The following AGL variants were observed in gnomAD, a reference collection of about 807,000 sequenced individuals.
AGL encodes the protein glycogen debranching enzyme.
In AGL, 128 loss-of-function variants were observed where a neutral mutation model predicts 199.3. That is an observed-to-expected ratio of 0.64 (90% CI 0.56 to 0.74). The LOEUF is 0.74. AGL is among the 30% of genes least tolerant of loss of function. The probability of loss-of-function intolerance (pLI) is 0.00; values close to 1 mark genes in which losing one functional copy is unlikely to be tolerated. For missense variants in AGL, 1,809 were observed against 1,820.8 expected (o/e 0.99, Z 0.12); for synonymous variants, 584 against 594.7 (o/e 0.98, Z 0.26).
At chr1:99,895,560 A>G (rs1345004934) in intron 24 of AGL, among the ~76,000 whole-genome samples, 1 of 152,160 alleles carries the variant, frequency 6.6e-6, no homozygotes, top group Non-Finnish European at 1.5e-5. Flanking sequence ...TAATAATTTC[A>G]TGTTTAGGTT....
At chr1:99,856,358 C>CCCTT (rs1649447254) in intron 2 of AGL, among the ~76,000 whole-genome samples, 2 of 77,926 alleles carry the variant, frequency 2.6e-5, no homozygotes, top group African/African-American at 8.1e-5. Flanking sequence ...CTCCCTCCCT[C>CCCTT]CCTCCCTTCC....
At chr1:99,898,479 G>C (rs906659166) in intron 25 of AGL, among the ~76,000 whole-genome samples, 1 of 152,116 alleles carries the variant, frequency 6.6e-6, no homozygotes, top group Non-Finnish European at 1.5e-5. Flanking sequence ...TGCCTACCCC[G>C]ATCTAGAGGT....
At chr1:99,892,320 C>A in intron 23 of AGL, 112 bp from the exon 24 acceptor site, 1 of 959,492 alleles carries the variant, frequency 1.0e-6, no homozygotes, top group Non-Finnish European at 1.6e-6. Context: ...AGTAATATTA[C>A]TATTGTTATA....
At chr1:99,882,270 C>G (rs1299383040) in intron 17 of AGL, among the ~76,000 whole-genome samples, 1 of 151,542 alleles carries the variant, frequency 6.6e-6, no homozygotes, top group East Asian at 1.9e-4. Context: ...TATTTTATTT[C>G]CTAATTTGTG....
At chr1:99,899,210 C>T (rs1653594847) in intron 25 of AGL, among the ~76,000 whole-genome samples, 1 of 152,120 alleles carries the variant, frequency 6.6e-6, no homozygotes, top group African/African-American at 2.4e-5. Context: ...AAAAGATGGG[C>T]ATTAAGCTTA....
chr1:99,864,525 A>G lies in AGL; in HGVS notation c.600A>G (p.Leu200=). The G allele has an allele frequency of 1.2e-6, 2 of 1,613,944 alleles. No individual in the cohort carries two copies. The highest frequency in any genetic ancestry group is 1.7e-6 in the Non-Finnish European group (2 of 1,179,882). ...RKYTWNDVGQ[L]VEKLKKEWNV... is the part of the protein sequence containing the mutation. ...ATACCTGGAATGATGTTGGACAGCT[A>G]GTGGAAAAATTAAAAAAGGAATGGA... Residue 200 remains leucine, a synonymous_variant, in exon 5 of 34, where the codon CTA becomes CTG. Transcript: ENST00000361915.
intron 12 of AGL, 134 bp downstream of exon 12, chr1:99,877,962 T>C: frequency 1.2e-6 from 1 of 832,486 alleles, no homozygotes; most frequent in Non-Finnish European, 2.0e-6. Flanking sequence ...GTAGTATTTA[T>C]CACTATTGCA....
At chr1:99,891,133 A>G in intron 21 of AGL, 87 bp from the exon 22 acceptor site, 2 of 1,548,432 alleles carry the variant, frequency 1.3e-6, no homozygotes, top group Non-Finnish European at 1.8e-6. Context: ...AATCACTAGA[A>G]TAGAGACTAG....
At chr1:99,892,267 A>T (rs925785829) in intron 23 of AGL, among the ~76,000 whole-genome samples, 165 bp from the exon 24 acceptor site, 1 of 152,164 alleles carries the variant, frequency 6.6e-6, no homozygotes, top group African/African-American at 2.4e-5. Flanking sequence ...AATGGGTGAA[A>T]TGAAAGCAGT....
At chr1:99,871,380 T>C (rs1486296042) in intron 7 of AGL, among the ~76,000 whole-genome samples, 1 of 148,718 alleles carries the variant, frequency 6.7e-6, no homozygotes, top group Non-Finnish European at 1.5e-5. Context: ...AGTCTTCTAT[T>C]AAGGACATAA....
intron 25 of AGL, among the ~76,000 whole-genome samples, chr1:99,898,018 G>A (rs1653467820): frequency 6.6e-6 from 1 of 150,932 alleles, no homozygotes; most frequent in Non-Finnish European, 1.5e-5. Context: ...CACCTGTTTT[G>A]TATGGCCTAT....
rs1346970662 is a variant in AGL at position 99,921,968 on chromosome 1, A to G, written c.*317A>G. Reference sequence around the variant, plus strand: ...ATTTGTACAGAAATGAAAATAAAATATGAAAATAATGAAAGAAATGAAAAG... The same window carrying G: ...ATTTGTACAGAAATGAAAATAAAATGTGAAAATAATGAAAGAAATGAAAAG... On this transcript the variant is annotated 3_prime_UTR_variant, in exon 34 of 34. Transcript: ENST00000361915. 9.9e-6 allele frequency: 2 copies of G among 202,490 alleles called. No individual in the cohort carries two copies. The highest frequency in any genetic ancestry group is 2.0e-5 in the Non-Finnish European group (2 of 99,306). 12.5% of individuals were successfully genotyped at this position (202,490 alleles called of 1,614,324 possible). A position where few individuals can be genotyped will look rare whatever the true frequency, so the allele number is the denominator to read the frequency against.
chr1:99,860,298 T>C (rs945160510), intron 2 of AGL, among the ~76,000 whole-genome samples: 3 of 151,684 alleles, frequency 2.0e-5, no homozygotes, highest in African/African-American at 7.2e-5. Flanking sequence ...TAAATATTAG[T>C]TTTTTTCCTC....
intron 20 of AGL, among the ~76,000 whole-genome samples, chr1:99,885,247 CT>C (rs1264515797): frequency 6.6e-6 from 1 of 152,100 alleles, no homozygotes; most frequent in Non-Finnish European, 1.5e-5. Flanking sequence ...CTAGGTTTAA[CT>C]TTAGCTTCAT....
chr1:99,854,489 G>T (rs1649240583), intron 2 of AGL, among the ~76,000 whole-genome samples: 1 of 152,190 alleles, frequency 6.6e-6, no homozygotes. Context: ...GAAGCCGGGT[G>T]CGGTGGCTCA....
intron 25 of AGL, among the ~76,000 whole-genome samples, chr1:99,898,085 C>T (rs1199187393): frequency 6.8e-6 from 1 of 147,872 alleles, no homozygotes; most frequent in Non-Finnish European, 1.5e-5. Flanking sequence ...CTTGCTCTGT[C>T]ACTCAGGCTG....
chr1:99,920,077 A>G (rs890224224), intron 33 of AGL, among the ~76,000 whole-genome samples: 1 of 152,240 alleles, frequency 6.6e-6, no homozygotes, highest in African/African-American at 2.4e-5. Flanking sequence ...CCTAGTGTCC[A>G]AGTGTAATTA....
chr1:99,854,792 G>A (rs1308610036), intron 2 of AGL, among the ~76,000 whole-genome samples: 1 of 151,460 alleles, frequency 6.6e-6, no homozygotes, highest in Non-Finnish European at 1.5e-5. Context: ...AATTTGAAAT[G>A]TGAAAGATGA....
At chr1:99,852,022 G>A (rs1381578637) in intron 2 of AGL, among the ~76,000 whole-genome samples, 2 of 151,894 alleles carry the variant, frequency 1.3e-5, no homozygotes, top group Admixed American at 1.3e-4. Context: ...CACTTTTCTG[G>A]TTTTGATTTT....
Sources: allele counts gnomAD v4.1 joint callset (sites outside exome capture counted in the v4.1 genomes callset), GRCh38; gene constraint gnomAD v4.1.1; transcripts MANE v1.5; gene names NCBI Gene and HGNC (gene_info 2026-07-23, HGNC 2026-07-21).